ZMYM4: variants seen among roughly 807,000 people sequenced by gnomAD.
The protein encoded by ZMYM4 is zinc finger MYM-type protein 4.
Under a neutral mutation model 183.2 loss-of-function variants are expected in ZMYM4, and 31 were observed. That is an observed-to-expected ratio of 0.17 (90% CI 0.13 to 0.23). ZMYM4 has a LOEUF of 0.23. ZMYM4 is among the 10% of genes least tolerant of loss of function. The pLI is 1.00. For synonymous variants in ZMYM4, 592 were observed against 631.2 expected, an observed-to-expected ratio of 0.94 and a Z score of 0.93; for missense variants, 1,273 against 1,840.3, an observed-to-expected ratio of 0.69 and a Z score of 5.64.
Position 35,349,844 on chromosome 1 carries a change from A to AG in ZMYM4, c.86-9081_86-9080insG, listed in dbSNP as rs1471496312. Among the ~76,000 whole-genome samples the AG allele has an allele frequency of 2.0e-5, 3 of 151,928 alleles. No homozygotes were observed. The East Asian group carries it at 5.8e-4, about 29-fold the overall frequency. On this transcript the variant is annotated intron_variant, in intron 2 of 29. Coordinates refer to ENST00000314607, the MANE Select transcript of ZMYM4 (RefSeq NM_005095.3). ...GACTCTGTCTTTAAAAAAAAAAAAA[A>AG]AAAAGTTTCTGTGACTAAACAAAGT...
intron 26 of ZMYM4, among the ~76,000 whole-genome samples, chr1:35,411,812 C>G (rs562953365): frequency 6.6e-6 from 1 of 152,220 alleles, no homozygotes; most frequent in South Asian, 2.1e-4. Context: ...GTAAGTCTTA[C>G]AACATTTTGG....
At chr1:35,303,009 C>G (rs1217954439) in intron 1 of ZMYM4, among the ~76,000 whole-genome samples, 1 of 150,838 alleles carries the variant, frequency 6.6e-6, no homozygotes, top group Non-Finnish European at 1.5e-5. Context: ...GGCATAGTGA[C>G]CACGCCTATA....
intron 1 of ZMYM4, among the ~76,000 whole-genome samples, chr1:35,309,698 T>G (rs1570318057): frequency 1.3e-5 from 2 of 152,084 alleles, no homozygotes; most frequent in African/African-American, 4.8e-5. Context: ...TTATGGTGAT[T>G]GCTTGAGCCC....
At chr1:35,346,994 ACTT>A (rs1001557430) in intron 2 of ZMYM4, among the ~76,000 whole-genome samples, 1 of 151,986 alleles carries the variant, frequency 6.6e-6, no homozygotes, top group African/African-American at 2.4e-5. Context: ...TTTAATTAGG[ACTT>A]CTTCTATATA....
intron 1 of ZMYM4, among the ~76,000 whole-genome samples, chr1:35,302,249 T>C (rs1641321995): frequency 7.3e-6 from 1 of 136,340 alleles, no homozygotes; most frequent in Non-Finnish European, 1.5e-5. Flanking sequence ...GCTATGTTAC[T>C]CAGGCTGGGG....
rs370528397 is a variant in ZMYM4, at chr1:35,361,761, A to G, written c.812A>G (p.Lys271Arg). The G allele has an allele frequency of 3.1e-5, 50 of 1,607,928 alleles. No homozygotes were observed. The highest frequency in any genetic ancestry group is 5.4e-5 in the African/African-American group (4 of 74,562). The change falls in exon 5 of 30, where the codon AAA becomes AGA. Residue 271 changes from lysine to arginine, a missense_variant. Around this residue, in one of 6 missense-constraint regions of ZMYM4, gnomAD observed 384 missense variants for 465.6 expected, o/e 0.82. Transcript: ENST00000314607. ...GCACCACAGCAGGGACTACTAGACA[A>G]AATAAAAGATGAACCTGACAATGCT... is the stretch of plus-strand genomic sequence containing the variant. Reference protein sequence around the residue: ...AMAPQQGLLDKIKDEPDNAQE... With the variant: ...AMAPQQGLLDRIKDEPDNAQE...
chr1:35,294,128 C>T (rs1458942007), intron 1 of ZMYM4, among the ~76,000 whole-genome samples: 5 of 140,664 alleles, frequency 3.6e-5, no homozygotes, highest in African/African-American at 6.1e-5. Flanking sequence ...GAGTGAGACA[C>T]TGTCTCAAAA....
At position 35,396,565 on chromosome 1, in the gene ZMYM4, T is replaced by C; in HGVS notation, c.2925T>C (p.Ser975=). 6.2e-7 allele frequency: 1 copy of C among 1,613,868 alleles called. No homozygotes were observed. The highest frequency in any genetic ancestry group is 8.5e-7 in the Non-Finnish European group (1 of 1,179,796). The part of the protein sequence containing the change: ...NKECQTEDTP[S]QPQIIVVPVP... ...TGTTACTGTTAGAAGACACTCCAAGTCAGCCCCAGATTATTGTGGTGCCAG... is the reference window on the plus strand; with the variant it reads ...TGTTACTGTTAGAAGACACTCCAAGCCAGCCCCAGATTATTGTGGTGCCAG... The change falls in exon 19 of 30, where the codon AGT becomes AGC. Residue 975 remains serine, a synonymous_variant. Coordinates refer to ENST00000314607, the MANE Select transcript of ZMYM4 (RefSeq NM_005095.3).
In ZMYM4 at chr1:35,405,443, A is replaced by G. The variant is rs753653427; in HGVS notation, c.3771A>G (p.Gln1257=). Residue 1257 remains glutamine (Q), a synonymous_variant, in exon 25 of 30, where the codon CAA becomes CAG. Coordinates refer to ENST00000314607, the MANE Select transcript of ZMYM4 (RefSeq NM_005095.3). ...LGSTQDHALS[Q]ESSEPGCRVR... Reference sequence around the variant, plus strand: ...GTACTCAAGACCATGCACTCTCTCAAGAATCCTCAGAGCCAGGCTGTAGAG... The same window carrying G: ...GTACTCAAGACCATGCACTCTCTCAGGAATCCTCAGAGCCAGGCTGTAGAG... The G allele has an allele frequency of 1.1e-5, 17 of 1,612,194 alleles. No individual in the cohort carries two copies.
chr1:35,388,566 C>A (rs1312804070), intron 13 of ZMYM4, among the ~76,000 whole-genome samples: 1 of 151,956 alleles, frequency 6.6e-6, no homozygotes, highest in Non-Finnish European at 1.5e-5. Flanking sequence ...GCTATCCTGT[C>A]TTATATCATT....
At chr1:35,392,121 C>G (rs896077566) in intron 15 of ZMYM4, 91 bp from the exon 16 acceptor site, 2 of 1,550,210 alleles carry the variant, frequency 1.3e-6, no homozygotes, top group African/African-American at 2.7e-5. Context: ...TTACTCAAAC[C>G]TGAAAACATT....
chr1:35,280,429 T>C (rs1640101835), intron 1 of ZMYM4, among the ~76,000 whole-genome samples: 1 of 152,198 alleles, frequency 6.6e-6, no homozygotes, highest in African/African-American at 2.4e-5. Flanking sequence ...TAAGCCATCA[T>C]GCCTGGCCCA....
intron 18 of ZMYM4, 95 bp downstream of exon 18, chr1:35,393,834 T>C (rs1644754773): frequency 2.2e-6 from 3 of 1,361,418 alleles, no homozygotes; most frequent in Non-Finnish European, 2.9e-6. Flanking sequence ...CTAGGTGATG[T>C]GTTTGGTTGT....
rs915434688 is a variant in ZMYM4, at chr1:35,411,087, T to C, written c.3949-2885T>C. 5.9e-5 allele frequency among the ~76,000 whole-genome samples: 9 copies of C among 152,154 alleles called. 1 individual carries two copies. Among genetic ancestry groups the C allele is most frequent in the Non-Finnish European group, 1.2e-4 (8 of 68,032 alleles). ...GCACCATTTGTTGAAGAGACTGTTC[T>C]TTACCCATTGTATGGGCTTGATACC... On this transcript the variant is annotated intron_variant, in intron 26 of 29. Coordinates refer to ENST00000314607, the MANE Select transcript of ZMYM4 (RefSeq NM_005095.3).
intron 1 of ZMYM4, among the ~76,000 whole-genome samples, chr1:35,287,847 A>G (rs1474715315): frequency 3.9e-5 from 6 of 151,930 alleles, no homozygotes; most frequent in African/African-American, 1.5e-4. Flanking sequence ...CTCGCGGTCT[A>G]CCAGCCTTGG....
intron 1 of ZMYM4, among the ~76,000 whole-genome samples, chr1:35,280,932 A>C (rs1640124467): frequency 6.6e-6 from 1 of 152,158 alleles, no homozygotes; most frequent in Admixed American, 6.5e-5. Context: ...AATTTAACCC[A>C]CAACATGGTC....
chr1:35,369,955 G>A (rs1259125062), intron 5 of ZMYM4, 74 bp from the exon 6 acceptor site: 9 of 1,085,504 alleles, frequency 8.3e-6, no homozygotes, highest in African/African-American at 1.6e-5. Context: ...GTAGTAAAAT[G>A]TCTTGAATGT....
intron 1 of ZMYM4, among the ~76,000 whole-genome samples, chr1:35,272,809 C>T (rs1456705936): frequency 2.0e-5 from 3 of 152,122 alleles, no homozygotes; most frequent in Non-Finnish European, 2.9e-5. Flanking sequence ...CCCGGGTTCA[C>T]GCCATTCCTT....
At chr1:35,290,895 A>G (rs1048991025) in intron 1 of ZMYM4, among the ~76,000 whole-genome samples, 3 of 152,214 alleles carry the variant, frequency 2.0e-5, no homozygotes, top group African/African-American at 7.2e-5. Context: ...ATAGCATTAT[A>G]TGTAGTTTCT....
Sources: allele counts gnomAD v4.1 joint callset (sites outside exome capture counted in the v4.1 genomes callset), GRCh38; gene constraint gnomAD v4.1.1; regional missense constraint gnomAD v4.1.1; transcripts MANE v1.5; gene names NCBI Gene and HGNC (gene_info 2026-07-23, HGNC 2026-07-21).